The following LIPA variants were observed in gnomAD, a reference collection of about 807,000 sequenced individuals.
The protein encoded by LIPA is lysosomal acid lipase/cholesteryl ester hydrolase.
A neutral mutation model predicts 40.6 loss-of-function variants in LIPA; 26 were observed. The ratio of observed to expected loss-of-function variants is 0.64; its 90% confidence interval spans 0.47 to 0.89. LIPA has a LOEUF of 0.89. Among genes scored for constraint, LIPA ranks in the 40% least tolerant of loss-of-function variants. The pLI is 0.00. For synonymous variants in LIPA, 188 were observed against 168.4 expected, an observed-to-expected ratio of 1.12 and a Z score of -0.90; for missense variants, 455 against 479.6, an observed-to-expected ratio of 0.95 and a Z score of 0.48.
chr10:89,290,965 C>G (rs1468248314), intron 1 of LIPA, among the ~76,000 whole-genome samples: 2 of 152,208 alleles, frequency 1.3e-5, no homozygotes, highest in East Asian at 3.8e-4. Context: ...TTGGTTTCAT[C>G]TTATCCTTTC....
chr10:89,239,885 A>T (rs1249599187), intron 3 of LIPA, among the ~76,000 whole-genome samples: 1 of 152,174 alleles, frequency 6.6e-6, no homozygotes, highest in East Asian at 1.9e-4. Context: ...AGGTCATGTG[A>T]CAAATGTGCC....
upstream of LIPA, among the ~76,000 whole-genome samples, chr10:89,347,641 C>T (rs896684518): frequency 2.0e-5 from 3 of 152,192 alleles, no homozygotes; most frequent in Non-Finnish European, 4.4e-5. Flanking sequence ...TTTTCCAATA[C>T]ATTCAGTATT....
At chr10:89,237,663 C>T (rs2133450937) in intron 3 of LIPA, among the ~76,000 whole-genome samples, 1 of 152,278 alleles carries the variant, frequency 6.6e-6, no homozygotes, top group East Asian at 1.9e-4. Context: ...AGTCTTTTGG[C>T]TGTACAATAA....
At chr10:89,350,315 CT>C (rs71471123) in intron 2 of LIPA, among the ~76,000 whole-genome samples, 1 of 148,362 alleles carries the variant, frequency 6.7e-6, no homozygotes. Flanking sequence ...GTGAAGTTAC[CT>C]TTTTTTTTAA....
rs200562726 is a variant in LIPA, at chr10:89,246,536, AC to A, written c.112-744del. On this transcript the variant is annotated intron_variant, in intron 2 of 9. Transcript: ENST00000336233. ...GCTTTGAGCTAAGAAGTAAAACTTA[AC>A]TTTAAGACCCTGTTATCAGGTCATA... 8.0e-3 allele frequency among the ~76,000 whole-genome samples: 1,223 copies of A among 152,352 alleles called. 18 individuals carry two copies. The highest frequency in any genetic ancestry group is 0.028 in the African/African-American group (1,166 of 41,572).
Position 89,348,613 on chromosome 10 carries a change from G to A in LIPA, c.61+64178C>T, listed in dbSNP as rs533771217. On this transcript the variant is annotated intron_variant, in intron 2 of 8. Coordinates refer to the LIPA transcript ENST00000371837. ...CGGGTTGCCATGCAAGGAGAATCCC[G>A]CAGCTCACGCTTAAGACCCTATTTT... Among the ~76,000 whole-genome samples the A allele has an allele frequency of 7.2e-5, 11 of 152,266 alleles. No homozygotes were observed. The South Asian group carries it at 1.7e-3, about 23-fold the overall frequency.
At chr10:89,276,115 C>G (rs1279814691) in intron 1 of LIPA, among the ~76,000 whole-genome samples, 1 of 152,118 alleles carries the variant, frequency 6.6e-6, no homozygotes, top group African/African-American at 2.4e-5. Flanking sequence ...GTAAGGTAAG[C>G]AAGGCACTTA....
At chr10:89,295,623 C>T (rs780009508) in intron 1 of LIPA, among the ~76,000 whole-genome samples, 4 of 152,148 alleles carry the variant, frequency 2.6e-5, no homozygotes, top group Non-Finnish European at 4.4e-5. Flanking sequence ...AGAATTATTG[C>T]ATTATACCAT....
chr10:89,219,250 C>G (rs1427389541), intron 8 of LIPA, among the ~76,000 whole-genome samples: 1 of 150,976 alleles, frequency 6.6e-6, no homozygotes, highest in Non-Finnish European at 1.5e-5. Flanking sequence ...CCTAGGAATT[C>G]AGAGTCTCCA....
chr10:89,345,524 A>G (rs959949127), upstream of LIPA, among the ~76,000 whole-genome samples: 6 of 137,938 alleles, frequency 4.3e-5, no homozygotes, highest in Non-Finnish European at 9.2e-5. Flanking sequence ...TCGAGACTCC[A>G]TCTCAAAAAA....
At chr10:89,402,427 G>A (rs1351204669) in intron 2 of LIPA, 1 of 1,614,036 alleles carries the variant, frequency 6.2e-7, no homozygotes, top group African/African-American at 1.3e-5. Context: ...ACCAAATACA[G>A]TGTGGGAATA....
chr10:89,222,983 A>G (rs994946444), intron 7 of LIPA, among the ~76,000 whole-genome samples: 8 of 152,156 alleles, frequency 5.3e-5, no homozygotes, highest in Non-Finnish European at 1.2e-4. Context: ...TCAAAATGCC[A>G]CATGACAAAC....
upstream of LIPA, among the ~76,000 whole-genome samples, chr10:89,254,862 T>C (rs538876666): frequency 1.3e-5 from 2 of 152,276 alleles, no homozygotes; most frequent in African/African-American, 2.4e-5. Flanking sequence ...AGGGACAAAA[T>C]GCCCCCAGTA....
chr10:89,338,376 G>A (rs548003819), intron 1 of LIPA: 14 of 317,134 alleles, frequency 4.4e-5, no homozygotes, highest in Admixed American at 9.0e-5. Context: ...TCAAGCAGTC[G>A]GTCAGAGGGA....
intron 2 of LIPA, among the ~76,000 whole-genome samples, chr10:89,388,060 C>A (rs533115395): frequency 1.2e-4 from 18 of 152,220 alleles, no homozygotes; most frequent in South Asian, 4.1e-4. Flanking sequence ...TAATTTGACT[C>A]TACATTTTTA....
intron 1 of LIPA, among the ~76,000 whole-genome samples, chr10:89,295,340 A>G (rs2133512253): frequency 6.6e-6 from 1 of 152,370 alleles, no homozygotes; most frequent in Admixed American, 6.5e-5. Flanking sequence ...AGTTAAAAAT[A>G]GACTCAAAAC....
At chr10:89,256,102 G>A (rs75284283), upstream of LIPA, among the ~76,000 whole-genome samples, 689 of 152,318 alleles carry the variant, frequency 4.5e-3, 3 homozygotes, top group Non-Finnish European at 8.0e-3. Context: ...TCTTCCACAA[G>A]TCCCTTCTGA....
chr10:89,383,691 G>T, intron 2 of LIPA: 6 of 1,614,242 alleles, frequency 3.7e-6, no homozygotes, highest in Non-Finnish European at 2.5e-6. Context: ...ACACTTGCAA[G>T]AAGTTTGCAA....
In LIPA at chr10:89,291,263, G is replaced by T. The variant is rs148125718; in HGVS notation, c.-1-43614C>A. 2.4e-3 allele frequency among the ~76,000 whole-genome samples: 356 copies of T among 150,328 alleles called. 3 individuals carry two copies. In the South Asian group the frequency reaches 0.028, roughly 12 times the overall value. ...TTTTCCCCTTCCTCCCTGCCTTCCA[G>T]ATTCCTTCCTTTTTAGCTTAATTAA... On this transcript the variant is annotated intron_variant, in intron 1 of 5. Coordinates refer to the LIPA transcript ENST00000282673.
Sources: allele counts gnomAD v4.1 joint callset (sites outside exome capture counted in the v4.1 genomes callset), GRCh38; gene constraint gnomAD v4.1.1; transcripts MANE v1.5; gene names NCBI Gene and HGNC (gene_info 2026-07-23, HGNC 2026-07-21).